The following COG4 variants were observed in gnomAD, a reference collection of about 807,000 sequenced individuals.
The protein encoded by COG4 is conserved oligomeric Golgi complex subunit 4.
A neutral mutation model predicts 95.1 loss-of-function variants in COG4; 65 were observed. That is an observed-to-expected ratio of 0.68 (90% confidence interval 0.56 to 0.84). The LOEUF (loss-of-function observed/expected upper bound fraction) is 0.84. Among genes scored for constraint, COG4 ranks in the 40% least tolerant of loss-of-function variants. COG4 has a pLI of 0.00. For missense variants in COG4, 1,045 were observed against 989.1 expected, an observed-to-expected ratio of 1.06 and a Z score of -0.76; for synonymous variants, 421 against 374.8, an observed-to-expected ratio of 1.12 and a Z score of -1.42.
intron 8 of COG4, among the ~76,000 whole-genome samples, chr16:70,505,595 G>A (rs1347653061): frequency 1.3e-5 from 2 of 150,746 alleles, no homozygotes; most frequent in African/African-American, 4.9e-5. Flanking sequence ...TTGGGAGGCT[G>A]AAGGCGGGCA....
At chr16:70,502,055 G>A (rs1480978411) in intron 8 of COG4, among the ~76,000 whole-genome samples, 8 of 151,788 alleles carry the variant, frequency 5.3e-5, no homozygotes, top group Admixed American at 2.6e-4. Flanking sequence ...AGGCTGAGGC[G>A]GGCGGATCAT....
At chr16:70,485,490 C>T (rs1322481812) in intron 13 of COG4, among the ~76,000 whole-genome samples, 2 of 151,392 alleles carry the variant, frequency 1.3e-5, no homozygotes, top group African/African-American at 2.4e-5. Flanking sequence ...AGGTGTGAGC[C>T]ATCGCGCCTG....
At chr16:70,516,134 G>A (rs935922301) in intron 3 of COG4, 31 of 445,836 alleles carry the variant, frequency 7.0e-5, no homozygotes, top group Non-Finnish European at 1.1e-4. Context: ...TTAATATGGT[G>A]TATTATTAGG....
intron 11 of COG4, among the ~76,000 whole-genome samples, chr16:70,496,968 C>A (rs1290578467): frequency 6.6e-6 from 1 of 152,190 alleles, no homozygotes; most frequent in Admixed American, 6.5e-5. Flanking sequence ...TTCATCTGAA[C>A]TGCCTGTTCT....
chr16:70,508,671 T>C lies in COG4; in HGVS notation c.1003-207A>G, dbSNP rs2049631615. On this transcript the variant is annotated intron_variant, in intron 7 of 18. Coordinates refer to ENST00000323786, the MANE Select transcript of COG4 (RefSeq NM_015386.3). ...TGGATGCTAATAATACTCACCTCTA[T>C]TACTGTGCTTAAAAGTCATGCTAAT... 5.9e-6 allele frequency: 4 copies of C among 673,298 alleles called. No homozygotes were observed. In the East Asian group the frequency reaches 1.1e-4, roughly 19 times the overall value. 41.7% of individuals were successfully genotyped at this position (673,298 alleles called of 1,614,324 possible).
At chr16:70,518,924 C>T (rs1444448443) in intron 2 of COG4, among the ~76,000 whole-genome samples, 5 of 151,512 alleles carry the variant, frequency 3.3e-5, no homozygotes, top group African/African-American at 7.3e-5. Context: ...TTGCAGTGAG[C>T]CGAGATCATG....
chr16:70,482,199 T>A, intron 15 of COG4, 24 bp from the exon 16 acceptor site: 1 of 1,476,860 alleles, frequency 6.8e-7, no homozygotes, highest in Non-Finnish European at 9.5e-7. Context: ...GCAGGGCTGG[T>A]CACCATGGGC....
chr16:70,510,980 G>C (rs574839178), intron 5 of COG4, among the ~76,000 whole-genome samples: 2 of 152,174 alleles, frequency 1.3e-5, no homozygotes, highest in South Asian at 4.1e-4. Context: ...GGCCAGGCTG[G>C]TCCTGAACCT....
intron 8 of COG4, among the ~76,000 whole-genome samples, chr16:70,506,621 A>AAAAAAAAAAAAG (rs2049579854): frequency 7.5e-6 from 1 of 132,798 alleles, no homozygotes; most frequent in Non-Finnish European, 1.6e-5. Context: ...AAAAAAACAA[A>AAAAAAAAAAAAG]AAAAAAAACA....
At position 70,514,620 on chromosome 16, in the gene COG4, T is replaced by A. The variant is rs994641639; in HGVS notation, c.370-111A>T. 1.4e-5 allele frequency: 12 copies of A among 847,054 alleles called. No homozygotes were observed. The African/African-American group carries it at 2.0e-4, about 14-fold the overall frequency. 52.5% of individuals were successfully genotyped at this position (847,054 alleles called of 1,614,324 possible). ...CTGATCAACCATATGTCAATAGCAA[T>A]CTCACAAACACCACCACTACTGTTA... On this transcript the variant is annotated intron_variant, in intron 3 of 18. Coordinates refer to ENST00000323786, the MANE Select transcript of COG4 (RefSeq NM_015386.3).
chr16:70,508,325 T>C (rs2049622198), intron 8 of COG4, 81 bp downstream of exon 8: 4 of 1,162,688 alleles, frequency 3.4e-6, no homozygotes, highest in Non-Finnish European at 5.2e-6. Flanking sequence ...ATAGACCACA[T>C]TGTAACAGAG....
intron 3 of COG4, among the ~76,000 whole-genome samples, chr16:70,517,285 T>C (rs936903770): frequency 2.6e-5 from 4 of 151,976 alleles, no homozygotes; most frequent in South Asian, 2.1e-4. Context: ...AATCCCAGCA[T>C]GTTGGGAGGC....
intron 9 of COG4, among the ~76,000 whole-genome samples, chr16:70,500,473 G>A (rs1012173204): frequency 2.8e-5 from 4 of 143,034 alleles, no homozygotes; most frequent in Non-Finnish European, 5.9e-5. Flanking sequence ...CAATTCTCCC[G>A]TCTCAACCTC....
chr16:70,521,407 T>C (rs907710908), intron 1 of COG4, among the ~76,000 whole-genome samples: 3 of 151,984 alleles, frequency 2.0e-5, no homozygotes, highest in African/African-American at 7.3e-5. Flanking sequence ...TAGTAGAGAC[T>C]AACATGGTTT....
rs2048990018 is a variant in COG4, at chr16:70,481,435, G to T, written c.2159C>A (p.Thr720Asn). Residue 720 changes from threonine to asparagine, a missense_variant, in exon 18 of 19, where the codon ACC (threonine) becomes AAC (asparagine). Transcript: ENST00000323786. ...KELRSLIAYL[T>N]TVTTWTIRDK... ...TCGGATGGTCCAGGTGGTCACCGTG[G>T]TAAGGTAGGCAATGAGCGACCTCAG... 1 of 1,613,074 alleles carries T rather than the reference G, an allele frequency of 6.2e-7. No individual in the cohort carries two copies. The highest frequency in any genetic ancestry group is 1.7e-5 in the Admixed American group (1 of 59,990).
Position 70,490,470 on chromosome 16 carries a change from G to A in COG4, c.1648-78C>T. ...CACTCCAATGCCAGACTGGCTGACA[G>A]CTGTGCTCCATGAAGCTCAGAGAAG... is the stretch of plus-strand genomic sequence containing the variant. On this transcript the variant is annotated intron_variant, in intron 12 of 18. Transcript: ENST00000323786. 3 of 1,193,692 alleles carry A rather than the reference G, an allele frequency of 2.5e-6. No homozygotes were observed. The South Asian group carries it at 3.6e-5, about 14-fold the overall frequency. The allele number at this position is 1,193,692 out of a possible 1,614,324, so 73.9% of individuals were successfully genotyped here.
chr16:70,495,496 C>A (rs2049323205), intron 12 of COG4, among the ~76,000 whole-genome samples: 1 of 151,984 alleles, frequency 6.6e-6, no homozygotes, highest in South Asian at 2.1e-4. Context: ...TTGTGGGCTA[C>A]AGATGCTACT....
chr16:70,495,483 C>T (rs1212209046), intron 12 of COG4, among the ~76,000 whole-genome samples: 1 of 151,994 alleles, frequency 6.6e-6, no homozygotes, highest in Non-Finnish European at 1.5e-5. Flanking sequence ...CGTCCAACCC[C>T]ACTTGTGGGC....
chr16:70,482,933 TC>T, intron 14 of COG4, 112 bp from the exon 15 acceptor site: 1 of 745,442 alleles, frequency 1.3e-6, no homozygotes, highest in Non-Finnish European at 2.3e-6. Context: ...TCCTCTCCTC[TC>T]CCCATCCCTT....
Sources: gnomAD v4.1 joint callset for allele counts (sites outside exome capture counted in the v4.1 genomes callset) on GRCh38, gnomAD v4.1.1 for gene constraint, MANE v1.5 for transcripts, NCBI Gene and HGNC (gene_info 2026-07-23, HGNC 2026-07-21) for gene names.